MAP3K13: variants seen among roughly 807,000 people sequenced by gnomAD.
MAP3K13 encodes the protein leucine zipper-bearing kinase.
In MAP3K13, 52 loss-of-function variants were observed where a neutral mutation model predicts 104.0. The ratio of observed to expected loss-of-function variants is 0.50; its 90% confidence interval spans 0.40 to 0.63. The LOEUF (loss-of-function observed/expected upper bound fraction) is 0.63. Among genes scored for constraint, MAP3K13 ranks in the 20% least tolerant of loss-of-function variants. The pLI is 0.00. For synonymous variants in MAP3K13, 394 were observed against 442.2 expected (o/e 0.89, Z 1.37); for missense variants, 914 against 1,218.5 (o/e 0.75, Z 3.72).
chr3:185,340,847 C>T (rs781258532), intron 2 of MAP3K13, among the ~76,000 whole-genome samples: 1 of 152,084 alleles, frequency 6.6e-6, no homozygotes, highest in Non-Finnish European at 1.5e-5. Flanking sequence ...TTGCCTTCCA[C>T]CATGATTGTA....
intron 2 of MAP3K13, among the ~76,000 whole-genome samples, chr3:185,337,730 A>G (rs1722563143): frequency 6.7e-6 from 1 of 150,218 alleles, no homozygotes; most frequent in African/African-American, 2.5e-5. Context: ...ATTCTTTATT[A>G]TTTATAATCA....
chr3:185,466,477 A>G (rs1323679524), intron 9 of MAP3K13, among the ~76,000 whole-genome samples: 1 of 148,746 alleles, frequency 6.7e-6, no homozygotes, highest in Non-Finnish European at 1.5e-5. Context: ...CCCGGATTCA[A>G]GTGATTCTCC....
intron 11 of MAP3K13, among the ~76,000 whole-genome samples, chr3:185,475,122 C>T (rs1025131516): frequency 3.3e-5 from 5 of 150,448 alleles, no homozygotes; most frequent in East Asian, 3.9e-4. Flanking sequence ...AAGCCACGCT[C>T]TTCCATTTAG....
chr3:185,422,802 A>G (rs1170769056), intron 1 of MAP3K13, among the ~76,000 whole-genome samples: 1 of 152,218 alleles, frequency 6.6e-6, no homozygotes, highest in East Asian at 1.9e-4. Context: ...ATGGTCTGGT[A>G]CCAGTCTGTG....
intron 1 of MAP3K13, among the ~76,000 whole-genome samples, chr3:185,395,082 G>C (rs1323181576): frequency 1.3e-5 from 2 of 151,982 alleles, no homozygotes; most frequent in Non-Finnish European, 2.9e-5. Context: ...GATCTCCTTT[G>C]CTTAATTCTT....
intron 7 of MAP3K13, among the ~76,000 whole-genome samples, chr3:185,454,715 AGATATATAT>A (rs376350203): frequency 0.19 from 5,404 of 28,780 alleles, 2,251 homozygotes; most frequent in Non-Finnish European, 0.38. Flanking sequence ...ATCATATATG[AGATATATAT>A]GATATATATG....
chr3:185,321,905 T>C (rs147249584), intron 2 of MAP3K13, among the ~76,000 whole-genome samples: 412 of 152,254 alleles, frequency 2.7e-3, no homozygotes, highest in Non-Finnish European at 4.7e-3. Context: ...CGCCCGGCCG[T>C]GACTGAGTTT....
intron 7 of MAP3K13, among the ~76,000 whole-genome samples, chr3:185,455,973 G>T (rs929478514): frequency 8.3e-5 from 12 of 145,092 alleles, no homozygotes; most frequent in Admixed American, 5.0e-4. Context: ...ATATGTATGA[G>T]ATATATATAT....
At chr3:185,334,985 G>GATAAATAGACATGGATC (rs1722427673) in intron 2 of MAP3K13, among the ~76,000 whole-genome samples, 1 of 151,444 alleles carries the variant, frequency 6.6e-6, no homozygotes, top group East Asian at 1.9e-4. Context: ...AGACATGGAT[G>GATAAATAGACATGGATC]TACTGATAAA....
chr3:185,456,802 C>T (rs1039967987), intron 7 of MAP3K13, among the ~76,000 whole-genome samples: 14 of 152,052 alleles, frequency 9.2e-5, no homozygotes, highest in African/African-American at 2.4e-4. Flanking sequence ...GGTTTCACCA[C>T]GTTGGCCAGG....
At chr3:185,360,812 C>T (rs1015008357), upstream of MAP3K13, among the ~76,000 whole-genome samples, 9 of 139,254 alleles carry the variant, frequency 6.5e-5, no homozygotes, top group African/African-American at 1.9e-4. Context: ...TCTACAACAG[C>T]TTTAGCTTTT....
chr3:185,309,611 C>T (rs765320443), intron 2 of MAP3K13, among the ~76,000 whole-genome samples: 1 of 152,030 alleles, frequency 6.6e-6, no homozygotes. Context: ...AATTACATAC[C>T]CTGCCTAAAT....
rs547888353 is a variant in MAP3K13 at position 185,292,632 on chromosome 3, G to A, written c.-86+6989G>A. 1.5e-3 allele frequency: 1,438 copies of A among 984,582 alleles called. 1 individual carries two copies. Among genetic ancestry groups the A allele is most frequent in the Non-Finnish European group, 1.7e-3 (1,402 of 829,146 alleles). 61.0% of individuals were successfully genotyped at this position (984,582 alleles called of 1,614,324 possible). ...ATGTATAATACAGACAAAGGGTCCT[G>A]TTACACAGTTGGAAGTCATTCCCTC... On this transcript the variant is annotated intron_variant, in intron 2 of 14. Transcript: ENST00000424227.
intron 1 of MAP3K13, among the ~76,000 whole-genome samples, chr3:185,410,433 G>A (rs1233522047): frequency 6.6e-6 from 1 of 152,076 alleles, no homozygotes; most frequent in Non-Finnish European, 1.5e-5. Context: ...GCGTCCCACA[G>A]CACTGTAGGA....
rs996886482 is a variant in MAP3K13, at chr3:185,355,087, C to G, written c.-86+69444C>G. 3.3e-5 allele frequency among the ~76,000 whole-genome samples: 5 copies of G among 152,078 alleles called. No individual in the cohort carries two copies. In the East Asian group the frequency reaches 7.7e-4, roughly 23 times the overall value. On this transcript the variant is annotated intron_variant, in intron 2 of 14. Transcript: ENST00000424227. The stretch of plus-strand genomic sequence containing the variant: ...TAAACTGTAAAGTGCAGTATAAGAT[C>G]GTTTACAAAGAATGTCTAGGACCAG...
intron 1 of MAP3K13, among the ~76,000 whole-genome samples, chr3:185,408,171 T>C (rs1477209183): frequency 6.6e-6 from 1 of 152,164 alleles, no homozygotes; most frequent in Non-Finnish European, 1.5e-5. Flanking sequence ...AGTGGGAGTA[T>C]AGAGTGAAAT....
intron 1 of MAP3K13, among the ~76,000 whole-genome samples, chr3:185,415,600 T>TTTTTA (rs1713717340): frequency 2.1e-5 from 3 of 140,592 alleles, no homozygotes; most frequent in South Asian, 2.3e-4. Flanking sequence ...TTTTTTTTTT[T>TTTTTA]GAGACAGAGT....
chr3:185,429,648 T>G (rs565998140), intron 2 of MAP3K13, among the ~76,000 whole-genome samples: 4 of 151,986 alleles, frequency 2.6e-5, no homozygotes, highest in Admixed American at 1.3e-4. Flanking sequence ...TAAATAAAAA[T>G]AAATTTTAAA....
intron 1 of MAP3K13, among the ~76,000 whole-genome samples, chr3:185,372,886 C>A (rs529247435): frequency 3.3e-5 from 5 of 152,170 alleles, no homozygotes; most frequent in South Asian, 4.2e-4. Flanking sequence ...TTTTCCCCTG[C>A]CAGGAAAAGG....
Sources: allele counts gnomAD v4.1 joint callset (sites outside exome capture counted in the v4.1 genomes callset), GRCh38; gene constraint gnomAD v4.1.1; transcripts MANE v1.5; gene names NCBI Gene and HGNC (gene_info 2026-07-23, HGNC 2026-07-21).